RPF2: variants seen among roughly 807,000 people sequenced by gnomAD.
The protein encoded by RPF2 is brix domain containing 1.
A neutral mutation model predicts 38.9 loss-of-function variants in RPF2; 21 were observed. The ratio of observed to expected loss-of-function variants is 0.54; its 90% CI spans 0.38 to 0.78. The LOEUF is 0.78. Ranked by LOEUF, RPF2 falls within the 30% of genes least tolerant of loss-of-function variation. The pLI is 0.00. For missense variants in RPF2, 314 were observed against 358.1 expected (o/e 0.88, Z 0.99); for synonymous variants, 121 against 126.2 (o/e 0.96, Z 0.28).
chr6:110,990,491 T>C (rs960299043), intron 3 of RPF2, among the ~76,000 whole-genome samples: 4 of 151,922 alleles, frequency 2.6e-5, no homozygotes, highest in Admixed American at 2.6e-4. Context: ...TTTCCTCATA[T>C]ATTCTTCTGG....
chr6:111,012,783 C>T (rs1225183841), intron 7 of RPF2, among the ~76,000 whole-genome samples: 1 of 152,152 alleles, frequency 6.6e-6, no homozygotes, highest in African/African-American at 2.4e-5. Context: ...GATTCTTCTG[C>T]CCCAGCCTCC....
chr6:110,982,694 T>G (rs780252362), intron 1 of RPF2, among the ~76,000 whole-genome samples: 40 of 152,178 alleles, frequency 2.6e-4, no homozygotes, highest in South Asian at 1.0e-3. Flanking sequence ...GAATGATACC[T>G]GTTTTAAATT....
rs1772334220 is a variant in RPF2, at chr6:111,026,706, A to G, written c.*1124A>G. 1 of 152,208 alleles carries G rather than the reference A, an allele frequency of 6.6e-6. No homozygotes were observed. Among genetic ancestry groups the G allele is most frequent in the South Asian group, 2.1e-4 (1 of 4,832 alleles). The allele number at this position is 152,208 out of a possible 1,614,324, so 9.4% of individuals were successfully genotyped here. ...GAAGACAGGCCTTGTGCCTAGGAAA[A>G]CAGAAGCTTTCTTCTTCCTTCTACT... On this transcript the variant is annotated 3_prime_UTR_variant, in exon 10 of 10. Transcript: ENST00000441448.
At chr6:111,010,652 A>T (rs7752355) in intron 7 of RPF2, among the ~76,000 whole-genome samples, 1 of 152,162 alleles carries the variant, frequency 6.6e-6, no homozygotes, top group Non-Finnish European at 1.5e-5. Context: ...TTACAAGCTT[A>T]TGCTACACTT....
At chr6:110,997,632 C>G (rs979637128) in intron 5 of RPF2, among the ~76,000 whole-genome samples, 2 of 151,918 alleles carry the variant, frequency 1.3e-5, no homozygotes, top group African/African-American at 4.8e-5. Context: ...TCCAGCTACT[C>G]AGGAGGCTGA....
chr6:111,021,815 A>G (rs897018156), intron 8 of RPF2, among the ~76,000 whole-genome samples: 7 of 152,208 alleles, frequency 4.6e-5, no homozygotes, highest in Non-Finnish European at 5.9e-5. Context: ...ATTAGCCCTT[A>G]TGCAATTTGA....
At chr6:111,015,225 A>G (rs79352948) in intron 7 of RPF2, among the ~76,000 whole-genome samples, 2,478 of 152,294 alleles carry the variant, frequency 0.016, 38 homozygotes, top group African/African-American at 0.045. Context: ...ACTTTGTGAG[A>G]AAAAAGACTA....
intron 8 of RPF2, among the ~76,000 whole-genome samples, chr6:111,016,472 C>T (rs1772110655): frequency 6.6e-6 from 1 of 152,030 alleles, no homozygotes; most frequent in Non-Finnish European, 1.5e-5. Flanking sequence ...TGGCACATGC[C>T]TGTAGTTCCA....
At chr6:110,986,215 T>C (rs888864444) in intron 2 of RPF2, among the ~76,000 whole-genome samples, 4 of 152,210 alleles carry the variant, frequency 2.6e-5, no homozygotes, top group African/African-American at 9.7e-5. Flanking sequence ...ATTTGAATTC[T>C]AATCTGAAAG....
In RPF2 at chr6:111,027,776, C is replaced by G. The variant is rs967421347; in HGVS notation, c.*2194C>G. Reference sequence around the variant, plus strand: ...GGATCTAATAAGTATTGGAATGCTTCCTATTTGCTGATAGAAGTACCAAAT... The same window carrying G: ...GGATCTAATAAGTATTGGAATGCTTGCTATTTGCTGATAGAAGTACCAAAT... On this transcript the variant is annotated 3_prime_UTR_variant, in exon 10 of 10. Coordinates refer to ENST00000441448, the MANE Select transcript of RPF2 (RefSeq NM_032194.3). 6.6e-6 allele frequency: 1 copy of G among 152,194 alleles called. No homozygotes were observed. Among genetic ancestry groups the G allele is most frequent in the African/African-American group, 2.4e-5 (1 of 41,454 alleles). The allele number at this position is 152,194 out of a possible 1,614,324, so 9.4% of individuals were successfully genotyped here.
chr6:110,999,726 A>G lies in RPF2; in HGVS notation c.332A>G (p.Tyr111Cys), dbSNP rs151140744. ...NNLVIGRMYD[Y>C]HVLDMIELGI... is the part of the protein sequence containing the mutation. Reference sequence around the variant, plus strand: ...TTCCTTCCAGGTCGTATGTATGACTACCATGTGCTGGATATGATTGAATTA... The same window carrying G: ...TTCCTTCCAGGTCGTATGTATGACTGCCATGTGCTGGATATGATTGAATTA... Residue 111 changes from tyrosine to cysteine, a missense_variant, in exon 6 of 10, where the codon TAC becomes TGC. Physicochemically the swap from Tyr to Cys is radical, Grantham distance 194 (BLOSUM62 -2). Coordinates refer to ENST00000441448, the MANE Select transcript of RPF2 (RefSeq NM_032194.3). 337 of 1,604,444 alleles carry G rather than the reference A, an allele frequency of 2.1e-4. 1 individual carries two copies. Among genetic ancestry groups the G allele is most frequent in the Admixed American group, 2.7e-4 (16 of 59,954 alleles).
chr6:110,986,235 A>G (rs10499059), intron 2 of RPF2, among the ~76,000 whole-genome samples: 37,642 of 152,124 alleles, frequency 0.25, 5,387 homozygotes, highest in East Asian at 0.65. Flanking sequence ...GCTCCGTGTA[A>G]TCATTGAAAG....
intron 2 of RPF2, among the ~76,000 whole-genome samples, chr6:110,987,638 C>T (rs773648875): frequency 1.3e-5 from 2 of 152,074 alleles, no homozygotes; most frequent in Admixed American, 6.6e-5. Context: ...GTTTATTACA[C>T]GGAAACAGGG....
chr6:111,007,128 C>T (rs1771923252), intron 6 of RPF2, among the ~76,000 whole-genome samples: 2 of 152,182 alleles, frequency 1.3e-5, no homozygotes, highest in African/African-American at 4.8e-5. Flanking sequence ...AGCTGTCTTC[C>T]TGCTTTGGCC....
intron 5 of RPF2, among the ~76,000 whole-genome samples, chr6:110,999,083 G>T (rs1469905583): frequency 6.6e-6 from 1 of 152,066 alleles, no homozygotes; most frequent in East Asian, 1.9e-4. Context: ...TTCTTAGAAT[G>T]CCTTTTCCTT....
intron 8 of RPF2, among the ~76,000 whole-genome samples, chr6:111,018,903 A>C (rs549181031): frequency 6.6e-6 from 1 of 152,212 alleles, no homozygotes; most frequent in Non-Finnish European, 1.5e-5. Flanking sequence ...GAAATAAAAG[A>C]TGAAAAATCA....
rs1772267227 is a variant in RPF2 at position 111,023,416 on chromosome 6, A to G, written c.597-767A>G. ...TTTAACTCCTACAGTCTTAGATAAG[A>G]ACTTGTTAATCGTATAAACATACTG... On this transcript the variant is annotated intron_variant, in intron 8 of 9. Coordinates refer to ENST00000441448, the MANE Select transcript of RPF2 (RefSeq NM_032194.3). Among the ~76,000 whole-genome samples, 3 of 152,216 alleles carry G rather than the reference A, an allele frequency of 2.0e-5. No homozygotes were observed. The South Asian group carries it at 6.2e-4, about 31-fold the overall frequency.
intron 4 of RPF2, among the ~76,000 whole-genome samples, chr6:110,994,190 A>G (rs911357662): frequency 1.3e-5 from 2 of 151,718 alleles, no homozygotes. Context: ...CAGGAGAATC[A>G]CTTGAACCCG....
intron 6 of RPF2, among the ~76,000 whole-genome samples, chr6:111,001,141 C>G (rs1473907608): frequency 6.6e-6 from 1 of 152,122 alleles, no homozygotes; most frequent in Admixed American, 6.6e-5. Context: ...GATTTAGAGG[C>G]AGAACACTTG....
Sources: gnomAD v4.1 joint callset for allele counts (sites outside exome capture counted in the v4.1 genomes callset) on GRCh38, gnomAD v4.1.1 for gene constraint, MANE v1.5 for transcripts, NCBI Gene and HGNC (gene_info 2026-07-23, HGNC 2026-07-21) for gene names.